Variants in ELMO2 observed in about 807,000 individuals in gnomAD.
ELMO2 encodes engulfment and cell motility protein 2.
ELMO2 carries 37 observed loss-of-function variants against 96.2 expected under a neutral mutation model. That is an observed-to-expected ratio of 0.38 (90% confidence interval 0.30 to 0.51). ELMO2 has a LOEUF of 0.51. Among genes scored for constraint, ELMO2 ranks in the 20% least tolerant of loss-of-function variants. The pLI is 0.88. For missense variants in ELMO2, 561 were observed against 912.6 expected (o/e 0.61, Z 4.96); for synonymous variants, 315 against 329.4 (o/e 0.96, Z 0.47).
At chr20:46,372,752 T>TGC (rs1290690631) in intron 16 of ELMO2, 1 of 152,298 alleles carries the variant, frequency 6.6e-6, no homozygotes, top group Non-Finnish European at 1.5e-5. Context: ...CCACACTGCA[T>TGC]GCGCAGTATG....
chr20:46,393,920 A>G (rs537122380), intron 4 of ELMO2, 129 bp downstream of exon 4: 5 of 1,253,522 alleles, frequency 4.0e-6, no homozygotes, highest in Middle Eastern at 2.2e-4. Flanking sequence ...TCCCAAGACA[A>G]TGATTCCCAA....
chr20:46,373,378 G>C (rs2059772278), intron 16 of ELMO2, 21 bp downstream of exon 16: 2 of 1,613,888 alleles, frequency 1.2e-6, no homozygotes, highest in Non-Finnish European at 1.7e-6. Context: ...GTGGGCCTCA[G>C]AGCAGCCCGG....
chr20:46,393,376 A>C (rs1402877166), intron 5 of ELMO2, among the ~76,000 whole-genome samples, 153 bp downstream of exon 5: 16 of 152,180 alleles, frequency 1.1e-4, no homozygotes, highest in Admixed American at 1.0e-3. Context: ...AGGGAAGAAC[A>C]AGGGCTGGTG....
rs1187948623 is a variant in ELMO2 at position 46,371,817 on chromosome 20, G to A, written c.1569C>T (p.Ser523=). Residue 523 remains serine (S), a synonymous_variant, in exon 17 of 22, where the codon TCC becomes TCT. Coordinates refer to ENST00000290246, the MANE Select transcript of ELMO2 (RefSeq NM_133171.5). This position sits in a 1 kb window ranked among gnomAD's most constrained non-coding sequence, Gnocchi z 5.9. ...SERMSQDDFQ[S]PPIVELREKI... ...GAGATGGAACTTACACAATTGGCGG[G>A]GACTGGAAGTCATCCTGACTCATCC... 1.9e-6 allele frequency: 3 copies of A among 1,614,114 alleles called. No homozygotes were observed. Among genetic ancestry groups the A allele is most frequent in the Non-Finnish European group, 8.5e-7 (1 of 1,180,000 alleles).
chr20:46,385,494 A>C (rs1377822249), intron 9 of ELMO2, among the ~76,000 whole-genome samples: 1 of 152,226 alleles, frequency 6.6e-6, no homozygotes, highest in Non-Finnish European at 1.5e-5. Context: ...TGAGAGGTGA[A>C]GGTGATTAAC....
chr20:46,403,791 C>A (rs1286616495), intron 1 of ELMO2, among the ~76,000 whole-genome samples: 1 of 152,210 alleles, frequency 6.6e-6, no homozygotes, highest in Non-Finnish European at 1.5e-5. Context: ...AATTGCTGAA[C>A]TGGGGCTGTA....
chr20:46,394,349 C>A, intron 3 of ELMO2, 56 bp downstream of exon 3: 1 of 1,575,080 alleles, frequency 6.3e-7, no homozygotes, highest in South Asian at 1.1e-5. Flanking sequence ...TGTCCTCTGC[C>A]ATGCACTCCC....
chr20:46,395,485 T>A (rs1213564896), intron 2 of ELMO2, among the ~76,000 whole-genome samples: 1 of 152,198 alleles, frequency 6.6e-6, no homozygotes, highest in East Asian at 1.9e-4. Flanking sequence ...CCTTTCTGCA[T>A]CCTCCAGGTT....
chr20:46,393,202 G>C lies in ELMO2; in HGVS notation c.193-59C>G, dbSNP rs2060183044. 4.6e-6 allele frequency: 7 copies of C among 1,517,074 alleles called. No homozygotes were observed. In the East Asian group the frequency reaches 1.6e-4, roughly 34 times the overall value. The allele number at this position is 1,517,074 out of a possible 1,614,324, so 94.0% of individuals were successfully genotyped here. On this transcript the variant is annotated intron_variant, in intron 5 of 21. Transcript: ENST00000290246. The stretch of plus-strand genomic sequence containing the variant: ...AAGATAAAATGTTAAAGTGGTACAA[G>C]CAAGTTGAATCAACAATAATGTTTT...
Position 46,367,398 on chromosome 20 carries a change from C to T in ELMO2, c.2125G>A (p.Glu709Lys), listed in dbSNP as rs746916401. The change falls in exon 22 of 22, where the codon GAG becomes AAG. Residue 709 changes from glutamate to lysine, a missense_variant. By Grantham distance (56) the Glu-to-Lys change is moderately conservative. Coordinates refer to ENST00000290246, the MANE Select transcript of ELMO2 (RefSeq NM_133171.5). ...IPEAPPPIPK[E>K]PSSYDFVYHY... Reference sequence around the variant, plus strand: ...TAGACAAAGTCATAGCTGCTGGGCTCCTTGGGGATGGGGGGTGGGGCTTCG... The same window carrying T: ...TAGACAAAGTCATAGCTGCTGGGCTTCTTGGGGATGGGGGGTGGGGCTTCG... 3.1e-6 allele frequency: 5 copies of T among 1,605,990 alleles called. No individual in the cohort carries two copies. Among genetic ancestry groups the T allele is most frequent in the Non-Finnish European group, 8.5e-7 (1 of 1,176,474 alleles).
rs144153333 is a variant in ELMO2 at position 46,370,343 on chromosome 20, G to C, written c.1884+100C>G. ...ATTCTTAATAAAACATTCAGGAATA[G>C]AGAGGGGAAGATGCCAAGAATGCAC... On this transcript the variant is annotated intron_variant, in intron 20 of 21. Coordinates refer to ENST00000290246, the MANE Select transcript of ELMO2 (RefSeq NM_133171.5). The C allele has an allele frequency of 7.8e-6, 8 of 1,023,526 alleles. No homozygotes were observed. In the East Asian group the frequency reaches 1.9e-4, roughly 24 times the overall value. The allele number at this position is 1,023,526 out of a possible 1,614,324, so 63.4% of individuals were successfully genotyped here.
intron 11 of ELMO2, chr20:46,376,803 G>C: frequency 7.8e-7 from 1 of 1,288,886 alleles, no homozygotes; most frequent in Non-Finnish European, 1.0e-6. Flanking sequence ...TCCCTACTCA[G>C]TAGCTCTGTC....
At position 46,375,861 on chromosome 20, in the gene ELMO2, A is replaced by C. The variant is rs2059850498; in HGVS notation, c.808-71T>G. On this transcript the variant is annotated intron_variant, in intron 11 of 21. Coordinates refer to ENST00000290246, the MANE Select transcript of ELMO2 (RefSeq NM_133171.5). This position sits in a 1 kb window ranked among gnomAD's most constrained non-coding sequence, Gnocchi z 4.6. Reference sequence around the variant, plus strand: ...TTAATGAAGGGCCACATCCATGCTAAGGAAAAGGAATGTATGTTGGGAAGG... The same window carrying C: ...TTAATGAAGGGCCACATCCATGCTACGGAAAAGGAATGTATGTTGGGAAGG... 1 of 1,588,818 alleles carries C rather than the reference A, an allele frequency of 6.3e-7. No individual in the cohort carries two copies. The highest frequency in any genetic ancestry group is 8.6e-7 in the Non-Finnish European group (1 of 1,162,690).
chr20:46,394,256 T>A, intron 3 of ELMO2, 149 bp downstream of exon 3: 1 of 1,126,794 alleles, frequency 8.9e-7, no homozygotes, highest in Non-Finnish European at 1.3e-6. Flanking sequence ...TGACCGACCT[T>A]CCCTAGGGTG....
chr20:46,373,382 A>T lies in ELMO2; in HGVS notation c.1416+17T>A. 2 of 1,614,006 alleles carry T rather than the reference A, an allele frequency of 1.2e-6. No individual in the cohort carries two copies. The highest frequency in any genetic ancestry group is 1.7e-6 in the Non-Finnish European group (2 of 1,179,920). ...GGTCTCCTCCCGTGGGCCTCAGAGC[A>T]GCCCGGAGACACTGACCTTGTTGAA... On this transcript the variant is annotated intron_variant, in intron 16 of 21. Coordinates refer to ENST00000290246, the MANE Select transcript of ELMO2 (RefSeq NM_133171.5).
chr20:46,380,183 T>C, intron 11 of ELMO2, 70 bp downstream of exon 11: 2 of 1,295,252 alleles, frequency 1.5e-6, no homozygotes, highest in South Asian at 1.3e-5. Context: ...ATTTCAATAA[T>C]AATATATTAA....
At chr20:46,398,424 T>C (rs2060283249) in intron 2 of ELMO2, among the ~76,000 whole-genome samples, 2 of 152,338 alleles carry the variant, frequency 1.3e-5, no homozygotes, top group South Asian at 4.2e-4. Context: ...GCGATTCTCC[T>C]GCCTCAGCTT....
chr20:46,382,313 C>T, intron 10 of ELMO2: 15 of 1,273,100 alleles, frequency 1.2e-5, no homozygotes, highest in South Asian at 5.0e-5. Context: ...AAACAAGGAC[C>T]GGGAAGGCAG....
At chr20:46,369,234 C>T (rs1165113948) in intron 20 of ELMO2, 3 of 393,178 alleles carry the variant, frequency 7.6e-6, no homozygotes, top group Non-Finnish European at 1.4e-5. Context: ...ACACTCAGAA[C>T]CCTGGAAGGT....
Sources: gnomAD v4.1 joint callset for allele counts (sites outside exome capture counted in the v4.1 genomes callset) on GRCh38, gnomAD v4.1.1 for gene constraint, Gnocchi (gnomAD v3.1) non-coding constraint, MANE v1.5 for transcripts, NCBI Gene and HGNC (gene_info 2026-07-23, HGNC 2026-07-21) for gene names.